Variants in SLC12A8 observed in about 807,000 individuals in gnomAD.
The protein encoded by SLC12A8 is solute carrier family 12 member 8.
Under a neutral mutation model 75.6 loss-of-function variants are expected in SLC12A8, and 69 were observed. That is an observed-to-expected ratio of 0.91 (90% CI 0.75 to 1.11). SLC12A8 has a LOEUF of 1.11. Among genes scored for constraint, SLC12A8 ranks in the 50% most tolerant of loss-of-function variants. The probability of loss-of-function intolerance (pLI) is 0.00; values close to 1 mark genes in which losing one functional copy is unlikely to be tolerated. For synonymous variants in SLC12A8, 365 were observed against 372.8 expected (o/e 0.98, Z 0.24); for missense variants, 877 against 896.7 (o/e 0.98, Z 0.28).
At chr3:125,117,407 C>T (rs1214402031) in intron 8 of SLC12A8, among the ~76,000 whole-genome samples, 8 of 141,274 alleles carry the variant, frequency 5.7e-5, no homozygotes, top group South Asian at 4.7e-4. Flanking sequence ...AGCAACATGG[C>T]GAAACCCCGT....
At chr3:125,130,124 C>T (rs1472903449) in intron 6 of SLC12A8, among the ~76,000 whole-genome samples, 1 of 152,200 alleles carries the variant, frequency 6.6e-6, no homozygotes, top group Non-Finnish European at 1.5e-5. Flanking sequence ...GCGCTATTAT[C>T]ATTTTACATT....
At chr3:125,147,746 G>C (rs931985668) in intron 5 of SLC12A8, among the ~76,000 whole-genome samples, 1 of 152,164 alleles carries the variant, frequency 6.6e-6, no homozygotes, top group African/African-American at 2.4e-5. Flanking sequence ...CTGACTGAAC[G>C]TGATTGAGGT....
At chr3:125,101,654 G>A (rs963703776) in intron 10 of SLC12A8, among the ~76,000 whole-genome samples, 7 of 152,206 alleles carry the variant, frequency 4.6e-5, no homozygotes, top group African/African-American at 1.7e-4. Flanking sequence ...TTGCACAGCT[G>A]TTGTAAATAA....
chr3:125,170,593 T>C (rs908499803), intron 5 of SLC12A8, among the ~76,000 whole-genome samples: 25 of 152,222 alleles, frequency 1.6e-4, no homozygotes, highest in Admixed American at 6.5e-5. Flanking sequence ...TACATGCACA[T>C]GTGCATGTGA....
intron 5 of SLC12A8, among the ~76,000 whole-genome samples, chr3:125,136,752 T>C (rs1933504421): frequency 6.6e-6 from 1 of 152,218 alleles, no homozygotes; most frequent in Non-Finnish European, 1.5e-5. Flanking sequence ...TTTTTGTACA[T>C]CGACTTTAAC....
chr3:125,169,277 G>A (rs150063865), intron 5 of SLC12A8, among the ~76,000 whole-genome samples: 27 of 152,198 alleles, frequency 1.8e-4, no homozygotes, highest in South Asian at 1.7e-3. Context: ...TTAAGTTATC[G>A]TGCTATTTAG....
At chr3:125,090,872 A>G (rs1217309983) in intron 12 of SLC12A8, among the ~76,000 whole-genome samples, 1 of 152,086 alleles carries the variant, frequency 6.6e-6, no homozygotes, top group Non-Finnish European at 1.5e-5. Context: ...ATTCAATCTG[A>G]CAATCTTTGG....
intron 2 of SLC12A8, among the ~76,000 whole-genome samples, chr3:125,199,641 A>G (rs579296): frequency 0.92 from 139,235 of 151,684 alleles, 64,335 homozygotes; most frequent in Non-Finnish European, 0.98. Flanking sequence ...AGCTACTTGG[A>G]AGGCTGAGGT....
At chr3:125,190,339 C>A (rs755450748) in intron 3 of SLC12A8, 36 bp downstream of exon 3, 1 of 1,610,744 alleles carries the variant, frequency 6.2e-7, no homozygotes, top group Admixed American at 1.7e-5. Context: ...TGTCTTGGGC[C>A]CGTGAGAGGC....
At chr3:125,104,787 A>G (rs1487964735) in intron 10 of SLC12A8, among the ~76,000 whole-genome samples, 1 of 152,224 alleles carries the variant, frequency 6.6e-6, no homozygotes, top group South Asian at 2.1e-4. Flanking sequence ...AGCCTCCTCC[A>G]AATGACTCAG....
At chr3:125,160,838 TGCACGGGGGCA>T (rs1934151377) in intron 5 of SLC12A8, among the ~76,000 whole-genome samples, 1 of 108,208 alleles carries the variant, frequency 9.2e-6, no homozygotes, top group Non-Finnish European at 1.9e-5. Flanking sequence ...CGGAGGGAGC[TGCACGGGGGCA>T]CAGGGCACAG....
chr3:125,208,623 T>C (rs1442915611), intron 2 of SLC12A8, among the ~76,000 whole-genome samples: 2 of 151,912 alleles, frequency 1.3e-5, no homozygotes, highest in African/African-American at 4.8e-5. Context: ...ACGAAACTTG[T>C]TCAAGGTCAC....
At chr3:125,197,284 A>T (rs1292663296) in intron 2 of SLC12A8, among the ~76,000 whole-genome samples, 1 of 71,038 alleles carries the variant, frequency 1.4e-5, no homozygotes, top group Non-Finnish European at 3.1e-5. Flanking sequence ...AGACATAAAT[A>T]AATTAATTAA....
At chr3:125,170,096 A>G (rs1934377277) in intron 5 of SLC12A8, among the ~76,000 whole-genome samples, 1 of 152,182 alleles carries the variant, frequency 6.6e-6, no homozygotes, top group Non-Finnish European at 1.5e-5. Context: ...AAAAGATTAC[A>G]TTTTTTTGCC....
chr3:125,095,469 C>T (rs1378584182), intron 10 of SLC12A8, among the ~76,000 whole-genome samples: 1 of 152,238 alleles, frequency 6.6e-6, no homozygotes, highest in African/African-American at 2.4e-5. Flanking sequence ...AACCCACTTT[C>T]ATCTTTCATC....
chr3:125,131,724 A>G (rs1034129200), intron 6 of SLC12A8, among the ~76,000 whole-genome samples: 1 of 152,206 alleles, frequency 6.6e-6, no homozygotes, highest in African/African-American at 2.4e-5. Flanking sequence ...TAAAACAAGC[A>G]TGAGTCCCTT....
intron 5 of SLC12A8, among the ~76,000 whole-genome samples, chr3:125,148,206 C>T (rs538143956): frequency 1.3e-5 from 2 of 152,328 alleles, no homozygotes; most frequent in South Asian, 2.1e-4. Context: ...CTTGCCAACT[C>T]GCTATGGGGC....
intron 4 of SLC12A8, 96 bp from the exon 5 acceptor site, chr3:125,178,070 G>A: frequency 9.9e-7 from 1 of 1,012,706 alleles, no homozygotes; most frequent in Admixed American, 2.0e-5. Flanking sequence ...ACCCCCATCG[G>A]ACACACTCAC....
intron 5 of SLC12A8, among the ~76,000 whole-genome samples, chr3:125,136,463 C>G (rs1933498710): frequency 6.6e-6 from 1 of 152,216 alleles, no homozygotes; most frequent in Non-Finnish European, 1.5e-5. Context: ...CCTCCCCCCT[C>G]ACTGCTGTTG....
Sources: gnomAD v4.1 joint callset for allele counts (sites outside exome capture counted in the v4.1 genomes callset) on GRCh38, gnomAD v4.1.1 for gene constraint, MANE v1.5 for transcripts, NCBI Gene and HGNC (gene_info 2026-07-23, HGNC 2026-07-21) for gene names.